Variants in CSMD1 observed in about 807,000 individuals in gnomAD.
CSMD1 encodes CUB and Sushi multiple domains 1, also known as CUB and sushi domain-containing protein 1.
In CSMD1, 213 loss-of-function variants were observed where a neutral mutation model predicts 417.5. The ratio of observed to expected loss-of-function variants is 0.51; its 90% CI spans 0.46 to 0.57. The LOEUF (loss-of-function observed/expected upper bound fraction) is 0.57. Ranked by LOEUF, CSMD1 falls within the 20% of genes least tolerant of loss-of-function variation. CSMD1 has a pLI of 0.00. For missense variants in CSMD1, 6,923 were observed against 4,529.7 expected (o/e 1.53, Z -15.17); for synonymous variants, 2,862 against 1,736.8 (o/e 1.65, Z -16.11).
intron 3 of CSMD1, among the ~76,000 whole-genome samples, chr8:4,399,701 A>T (rs1170419511): frequency 6.6e-6 from 1 of 152,150 alleles, no homozygotes; most frequent in African/African-American, 2.4e-5. Context: ...ACTCCTTTTG[A>T]AAAAAGCAGT....
At chr8:3,535,464 T>C (rs1798156846) in intron 10 of CSMD1, among the ~76,000 whole-genome samples, 1 of 152,134 alleles carries the variant, frequency 6.6e-6, no homozygotes, top group South Asian at 2.1e-4. Flanking sequence ...AAAGCCTCCA[T>C]GTTCTCACTT....
At chr8:3,515,304 G>A (rs1025745428) in intron 10 of CSMD1, 3 of 152,146 alleles carry the variant, frequency 2.0e-5, no homozygotes, top group Admixed American at 6.6e-5. Context: ...AATGATATCT[G>A]AGCTGATGCT....
At chr8:4,565,685 G>C (rs1798563284) in intron 2 of CSMD1, among the ~76,000 whole-genome samples, 1 of 147,198 alleles carries the variant, frequency 6.8e-6, no homozygotes, top group South Asian at 2.2e-4. Context: ...CAGTGAGCTG[G>C]GATTGTGCCA....
intron 3 of CSMD1, among the ~76,000 whole-genome samples, chr8:4,289,398 A>G (rs914888536): frequency 1.6e-5 from 1 of 61,240 alleles, no homozygotes; most frequent in Non-Finnish European, 3.9e-5. Flanking sequence ...TAGTTAAAGT[A>G]GAGGGAGCCA....
At chr8:3,102,213 G>C (rs1815806129) in intron 46 of CSMD1, among the ~76,000 whole-genome samples, 1 of 152,202 alleles carries the variant, frequency 6.6e-6, no homozygotes, top group Admixed American at 6.6e-5. Context: ...CAATCAAATA[G>C]TAGAAAAGTA....
chr8:4,102,369 C>G (rs192267206), intron 3 of CSMD1, among the ~76,000 whole-genome samples: 4 of 152,140 alleles, frequency 2.6e-5, no homozygotes, highest in Non-Finnish European at 4.4e-5. Flanking sequence ...GCAAGAGAAA[C>G]TGGACATTGG....
chr8:4,590,815 A>T (rs73659112), intron 2 of CSMD1, among the ~76,000 whole-genome samples: 34,557 of 152,068 alleles, frequency 0.23, 5,060 homozygotes, highest in African/African-American at 0.42. Context: ...ATTTTTAAAC[A>T]TTTCTTAATA....
At chr8:3,108,959 C>T (rs554610306) in intron 43 of CSMD1, among the ~76,000 whole-genome samples, 2 of 152,176 alleles carry the variant, frequency 1.3e-5, no homozygotes, top group Admixed American at 6.5e-5. Flanking sequence ...CACAGGCACT[C>T]GGCACTTGTC....
chr8:4,908,895 A>G (rs1053264480), intron 1 of CSMD1, among the ~76,000 whole-genome samples: 8 of 152,154 alleles, frequency 5.3e-5, no homozygotes, highest in African/African-American at 1.7e-4. Context: ...CTGACTGGCA[A>G]TGTCAACATA....
At chr8:4,206,445 C>G (rs77269236) in intron 3 of CSMD1, among the ~76,000 whole-genome samples, 131 of 152,094 alleles carry the variant, frequency 8.6e-4, no homozygotes, top group Non-Finnish European at 1.6e-3. Flanking sequence ...GTTTGGTTTT[C>G]TGTCCTTGTG....
chr8:3,175,507 GCCTTTTTTCCTTCCTTCCTT>G (rs1308063656), intron 37 of CSMD1, among the ~76,000 whole-genome samples: 9 of 125,828 alleles, frequency 7.2e-5, no homozygotes, highest in Non-Finnish European at 1.1e-4. Context: ...CTGCCTGCCT[GCCTTTTTTCCTTCCTTCCTT>G]CCTTCCTTCT....
chr8:4,539,052 T>G (rs575330899), intron 2 of CSMD1, among the ~76,000 whole-genome samples: 2 of 152,212 alleles, frequency 1.3e-5, no homozygotes, highest in Non-Finnish European at 2.9e-5. Context: ...CAGTGTTAGG[T>G]GCCAGAAAAA....
chr8:4,482,840 C>G (rs1043954853), intron 2 of CSMD1, among the ~76,000 whole-genome samples: 1 of 152,072 alleles, frequency 6.6e-6, no homozygotes, highest in Non-Finnish European at 1.5e-5. Context: ...AATACTAAAA[C>G]TCTTAATTTG....
At chr8:3,203,747 G>A (rs140605062) in intron 31 of CSMD1, among the ~76,000 whole-genome samples, 60 of 152,324 alleles carry the variant, frequency 3.9e-4, no homozygotes, top group African/African-American at 1.4e-3. Flanking sequence ...AACATGCTTA[G>A]ATTTGTGTTT....
intron 5 of CSMD1, among the ~76,000 whole-genome samples, chr8:3,826,755 T>A (rs1044292804): frequency 6.6e-6 from 1 of 152,242 alleles, no homozygotes; most frequent in Middle Eastern, 3.4e-3. Flanking sequence ...GAGGACTCAC[T>A]TATAAGCATT....
intron 5 of CSMD1, among the ~76,000 whole-genome samples, chr8:3,944,380 C>T (rs1464618): frequency 0.32 from 48,425 of 151,950 alleles, 8,208 homozygotes; most frequent in South Asian, 0.45. Context: ...TTCCTCTCTA[C>T]GACTGAATAT....
At chr8:3,537,704 A>G (rs557483359) in intron 10 of CSMD1, among the ~76,000 whole-genome samples, 59 of 152,234 alleles carry the variant, frequency 3.9e-4, no homozygotes, top group Non-Finnish European at 6.9e-4. Context: ...CAAAAATCAT[A>G]TATCACTTCA....
intron 18 of CSMD1, among the ~76,000 whole-genome samples, chr8:3,383,499 A>T (rs572634537): frequency 6.6e-6 from 1 of 152,228 alleles, no homozygotes; most frequent in East Asian, 1.9e-4. Context: ...CCACACTAGG[A>T]AAACCTCATG....
intron 12 of CSMD1, among the ~76,000 whole-genome samples, chr8:3,441,886 A>T (rs1293770528): frequency 6.6e-6 from 1 of 152,126 alleles, no homozygotes; most frequent in African/African-American, 2.4e-5. Context: ...CAGGTCCGTC[A>T]GGAGGTATCC....
Sources: gnomAD v4.1 joint callset for allele counts (sites outside exome capture counted in the v4.1 genomes callset) on GRCh38, gnomAD v4.1.1 for gene constraint, MANE v1.5 for transcripts, NCBI Gene and HGNC (gene_info 2026-07-23, HGNC 2026-07-21) for gene names.